XYLT1: variants seen among roughly 807,000 people sequenced by gnomAD.
The protein encoded by XYLT1 is beta-D-xylosyltransferase 1.
In XYLT1, 36 loss-of-function variants were observed where a neutral mutation model predicts 91.3. The ratio of observed to expected loss-of-function variants is 0.39; its 90% confidence interval spans 0.30 to 0.52. The LOEUF is 0.52. XYLT1 is among the 20% of genes least tolerant of loss of function. The pLI is 0.68. For missense variants in XYLT1, 1,242 were observed against 1,284.5 expected, an observed-to-expected ratio of 0.97 and a Z score of 0.51; for synonymous variants, 588 against 532.0, an observed-to-expected ratio of 1.11 and a Z score of -1.45.
At chr16:17,319,596 C>T (rs1285754769) in intron 2 of XYLT1, among the ~76,000 whole-genome samples, 1 of 152,110 alleles carries the variant, frequency 6.6e-6, no homozygotes, top group Non-Finnish European at 1.5e-5. Flanking sequence ...GCAAGCACCA[C>T]CACGCCCAGC....
chr16:17,255,706 C>A (rs2033620299), intron 3 of XYLT1, among the ~76,000 whole-genome samples: 1 of 152,084 alleles, frequency 6.6e-6, no homozygotes, highest in South Asian at 2.1e-4. Flanking sequence ...CTAAATCTTT[C>A]TATTTAAAAG....
intron 2 of XYLT1, among the ~76,000 whole-genome samples, chr16:17,320,987 T>C (rs910259035): frequency 6.6e-6 from 1 of 152,126 alleles, no homozygotes; most frequent in African/African-American, 2.4e-5. Flanking sequence ...GGTGGAGCCC[T>C]GTCCCTACCA....
At chr16:17,124,794 A>C (rs1018547822) in intron 10 of XYLT1, among the ~76,000 whole-genome samples, 9 of 86,010 alleles carry the variant, frequency 1.0e-4, no homozygotes, top group African/African-American at 3.1e-4. Context: ...TCATTTTTTA[A>C]AAATTCTTTT....
Position 17,108,039 on chromosome 16 carries a change from C to T in XYLT1, c.*656G>A, listed in dbSNP as rs59519766. On this transcript the variant is annotated 3_prime_UTR_variant, in exon 12 of 12. Transcript: ENST00000261381. ...GCTCAGAGCTCTCCTAAGGCTGCAG[C>T]CTCCATGGGAAAGGGCCCACGACCA... 30,051 of 152,582 alleles carry T rather than the reference C, an allele frequency of 0.2. 3,129 individuals carry two copies. Among genetic ancestry groups the T allele is most frequent in the East Asian group, 0.37 (1,878 of 5,134 alleles). The allele number at this position is 152,582 out of a possible 1,614,324, so 9.5% of individuals were successfully genotyped here. A position where few individuals can be genotyped will look rare whatever the true frequency, so the allele number is the denominator to read the frequency against.
chr16:17,370,386 C>A, intron 1 of XYLT1, among the ~76,000 whole-genome samples: 1 of 152,232 alleles, frequency 6.6e-6, no homozygotes. Context: ...GGGACCCTCG[C>A]TCACATGCAT....
intron 11 of XYLT1, among the ~76,000 whole-genome samples, chr16:17,110,723 G>A (rs918867666): frequency 2.0e-5 from 3 of 152,120 alleles, no homozygotes; most frequent in African/African-American, 2.4e-5. Flanking sequence ...TTTACAGATG[G>A]GGAAAGAGAG....
intron 2 of XYLT1, among the ~76,000 whole-genome samples, chr16:17,284,393 C>A (rs1449236409): frequency 6.6e-6 from 1 of 152,208 alleles, no homozygotes; most frequent in Non-Finnish European, 1.5e-5. Flanking sequence ...ATGGAACTTA[C>A]ATTCTACAGG....
intron 2 of XYLT1, among the ~76,000 whole-genome samples, chr16:17,286,723 T>C (rs17212112): frequency 0.12 from 18,205 of 152,200 alleles, 1,193 homozygotes; most frequent in South Asian, 0.23. Context: ...CAGCAAGCAA[T>C]GGAAGACGGG....
At chr16:17,154,444 A>G (rs563543705) in intron 6 of XYLT1, among the ~76,000 whole-genome samples, 1 of 152,334 alleles carries the variant, frequency 6.6e-6, no homozygotes, top group South Asian at 2.1e-4. Context: ...GCCTGTCCCC[A>G]CACACTGAGA....
intron 5 of XYLT1, among the ~76,000 whole-genome samples, chr16:17,188,344 C>G (rs1049909768): frequency 1.3e-5 from 2 of 152,212 alleles, no homozygotes; most frequent in African/African-American, 4.8e-5. Context: ...AGTGACCCAA[C>G]AGGACATCTC....
rs192720067 is a variant in XYLT1 at position 17,350,641 on chromosome 16, A to T, written c.402+7371T>A. 3.9e-5 allele frequency among the ~76,000 whole-genome samples: 6 copies of T among 151,938 alleles called. No homozygotes were observed. In the East Asian group the frequency reaches 1.2e-3, roughly 29 times the overall value. ...TCTCCCATAAGGAGGCTGACGGGGG[A>T]AAAAAACATATGGGCTGAGAAGCAA... On this transcript the variant is annotated intron_variant, in intron 2 of 11. Coordinates refer to ENST00000261381, the MANE Select transcript of XYLT1 (RefSeq NM_022166.4).
intron 7 of XYLT1, among the ~76,000 whole-genome samples, 173 bp downstream of exon 7, chr16:17,140,980 T>TG (rs1179120026): frequency 6.6e-6 from 1 of 152,238 alleles, no homozygotes; most frequent in Non-Finnish European, 1.5e-5. Context: ...ACGCAGCCTC[T>TG]GTGCAGACTG....
chr16:17,171,796 C>T (rs559756124), intron 5 of XYLT1, among the ~76,000 whole-genome samples: 3 of 152,366 alleles, frequency 2.0e-5, no homozygotes, highest in African/African-American at 4.8e-5. Context: ...GACTCACTTC[C>T]ACCCCTATAT....
intron 3 of XYLT1, among the ~76,000 whole-genome samples, chr16:17,224,644 A>G (rs927369533): frequency 1.3e-5 from 2 of 152,138 alleles, no homozygotes; most frequent in African/African-American, 4.8e-5. Context: ...AAGCCTCCTC[A>G]GCTTCCAAAT....
chr16:17,232,429 G>GTGTATA (rs1194509016), intron 3 of XYLT1, among the ~76,000 whole-genome samples: 123 of 121,724 alleles, frequency 1.0e-3, no homozygotes, highest in African/African-American at 2.8e-3. Flanking sequence ...GTGTGTGTGT[G>GTGTATA]TATATATATA....
chr16:17,239,290 C>T (rs1183463853), intron 3 of XYLT1, among the ~76,000 whole-genome samples: 1 of 150,084 alleles, frequency 6.7e-6, no homozygotes. Flanking sequence ...ATGATCCATC[C>T]ATCCATCCAC....
intron 1 of XYLT1, among the ~76,000 whole-genome samples, chr16:17,387,788 G>A (rs11861324): frequency 0.031 from 4,645 of 152,190 alleles, 224 homozygotes; most frequent in African/African-American, 0.11. Context: ...TCCTAACCAC[G>A]TAGGCTGGAA....
At chr16:17,264,790 G>A (rs574233948) in intron 2 of XYLT1, among the ~76,000 whole-genome samples, 1 of 151,742 alleles carries the variant, frequency 6.6e-6, no homozygotes, top group South Asian at 2.1e-4. Flanking sequence ...TAACTTGACC[G>A]AGGCTACACT....
intron 2 of XYLT1, among the ~76,000 whole-genome samples, chr16:17,304,286 A>G (rs1023090915): frequency 1.7e-4 from 26 of 152,164 alleles, no homozygotes; most frequent in African/African-American, 5.8e-4. Flanking sequence ...GCAGGTGAGG[A>G]GCAGATGTGC....
Sources: gnomAD v4.1 joint callset for allele counts (sites outside exome capture counted in the v4.1 genomes callset) on GRCh38, gnomAD v4.1.1 for gene constraint, MANE v1.5 for transcripts, NCBI Gene and HGNC (gene_info 2026-07-23, HGNC 2026-07-21) for gene names.